Variants in KDM4C observed in about 807,000 individuals in gnomAD.
KDM4C encodes lysine demethylase 4C, also known as lysine-specific demethylase 4C.
Under a neutral mutation model 129.3 loss-of-function variants are expected in KDM4C, and 81 were observed. The ratio of observed to expected loss-of-function variants is 0.63; its 90% CI spans 0.52 to 0.75. The LOEUF (loss-of-function observed/expected upper bound fraction) is 0.75, where lower values mean the gene tolerates loss of function less well. Among genes scored for constraint, KDM4C ranks in the 30% least tolerant of loss-of-function variants. The pLI is 0.00. For synonymous variants in KDM4C, 573 were observed against 456.1 expected (o/e 1.26, Z -3.26); for missense variants, 1,457 against 1,304.0 (o/e 1.12, Z -1.81).
chr9:6,826,215 G>T (rs1424896149), intron 4 of KDM4C, among the ~76,000 whole-genome samples: 1 of 151,938 alleles, frequency 6.6e-6, no homozygotes, highest in East Asian at 1.9e-4. Context: ...AGGTGGATGG[G>T]TGGTTGGTGT....
chr9:6,918,121 A>G (rs986129732), intron 8 of KDM4C, among the ~76,000 whole-genome samples: 4 of 152,226 alleles, frequency 2.6e-5, no homozygotes, highest in African/African-American at 7.2e-5. Flanking sequence ...CTCATCACCC[A>G]GGCAGTGAAC....
At chr9:7,104,005 G>C (rs1473023046) in intron 18 of KDM4C, 135 bp downstream of exon 18, 3 of 785,460 alleles carry the variant, frequency 3.8e-6, no homozygotes, top group African/African-American at 3.5e-5. Flanking sequence ...TGAGTTCCTT[G>C]AGGGCAGGGA....
At chr9:6,967,098 A>G (rs1449290470) in intron 8 of KDM4C, among the ~76,000 whole-genome samples, 1 of 152,138 alleles carries the variant, frequency 6.6e-6, no homozygotes, top group East Asian at 1.9e-4. Context: ...TGAAGTGACT[A>G]AAGCATCTCC....
intron 15 of KDM4C, among the ~76,000 whole-genome samples, chr9:7,035,657 T>G (rs1827513705): frequency 6.6e-6 from 1 of 152,142 alleles, no homozygotes; most frequent in Non-Finnish European, 1.5e-5. Context: ...TAAGTTGATT[T>G]TTGTATAGGG....
chr9:6,862,048 A>G (rs1181612341), intron 5 of KDM4C, among the ~76,000 whole-genome samples: 4 of 152,178 alleles, frequency 2.6e-5, no homozygotes, highest in Non-Finnish European at 5.9e-5. Flanking sequence ...CTGGGATTAC[A>G]GGTGTGAGCC....
chr9:6,826,860 C>G (rs927265013), intron 4 of KDM4C, among the ~76,000 whole-genome samples: 10 of 148,530 alleles, frequency 6.7e-5, no homozygotes, highest in African/African-American at 2.3e-4. Flanking sequence ...GAGTGAAACT[C>G]CATCTCAAAA....
chr9:6,763,207 C>T (rs887874044), intron 1 of KDM4C, among the ~76,000 whole-genome samples: 7 of 152,144 alleles, frequency 4.6e-5, no homozygotes, highest in African/African-American at 1.7e-4. Context: ...TAACTCTCAG[C>T]TCTGTGTGTG....
chr9:6,782,131 A>G (rs1171622145), intron 1 of KDM4C, among the ~76,000 whole-genome samples: 5 of 152,124 alleles, frequency 3.3e-5, no homozygotes, highest in Non-Finnish European at 7.4e-5. Flanking sequence ...GCCTGGTTAT[A>G]AATTTTAGTG....
chr9:6,864,502 TTGG>T (rs1269879163), intron 5 of KDM4C, among the ~76,000 whole-genome samples: 2 of 152,202 alleles, frequency 1.3e-5, no homozygotes, highest in African/African-American at 4.8e-5. Context: ...TCATATCTGT[TTGG>T]TGATCTCTAA....
chr9:6,987,244 C>T (rs1031403948), intron 11 of KDM4C, among the ~76,000 whole-genome samples: 5 of 152,178 alleles, frequency 3.3e-5, no homozygotes, highest in African/African-American at 1.2e-4. Context: ...CCCTGAATCT[C>T]AGGACCAGGG....
chr9:6,873,941 CGAGAGA>C (rs61477112), intron 5 of KDM4C, among the ~76,000 whole-genome samples: 3,358 of 132,118 alleles, frequency 0.025, 111 homozygotes, highest in African/African-American at 0.091. Context: ...TGAGAGAGAG[CGAGAGA>C]GAGAGAGAGA....
intron 5 of KDM4C, among the ~76,000 whole-genome samples, chr9:6,867,409 T>TGAACCACAAC (rs1563726900): frequency 3.9e-5 from 6 of 152,220 alleles, no homozygotes; most frequent in African/African-American, 1.4e-4. Flanking sequence ...GAAACCACAA[T>TGAACCACAAC]TGATATTTGA....
At chr9:7,049,679 G>A (rs1416095097) in intron 17 of KDM4C, among the ~76,000 whole-genome samples, 5 of 151,992 alleles carry the variant, frequency 3.3e-5, no homozygotes, top group Non-Finnish European at 5.9e-5. Context: ...CTCTTGAATA[G>A]GTACAAGTCA....
At chr9:6,852,803 T>TCA (rs1564162199) in intron 5 of KDM4C, among the ~76,000 whole-genome samples, 1 of 152,176 alleles carries the variant, frequency 6.6e-6, no homozygotes, top group Non-Finnish European at 1.5e-5. Context: ...GATTCCCTCC[T>TCA]TACTTACGGG....
intron 4 of KDM4C, among the ~76,000 whole-genome samples, chr9:6,822,858 C>T (rs1185889632): frequency 6.6e-6 from 1 of 152,198 alleles, no homozygotes; most frequent in African/African-American, 2.4e-5. Flanking sequence ...CCATGTACAC[C>T]TGCATCGACC....
intron 17 of KDM4C, among the ~76,000 whole-genome samples, chr9:7,063,182 T>C (rs916121212): frequency 3.3e-5 from 5 of 152,204 alleles, no homozygotes; most frequent in Admixed American, 2.6e-4. Context: ...AGAGATAGTT[T>C]TGGGGACCAA....
intron 7 of KDM4C, among the ~76,000 whole-genome samples, chr9:6,889,575 G>T (rs1384926556): frequency 6.6e-6 from 1 of 152,150 alleles, no homozygotes; most frequent in Non-Finnish European, 1.5e-5. Flanking sequence ...TGTCCCATCT[G>T]CAGACACCTC....
At chr9:7,144,864 C>T (rs536348641) in intron 19 of KDM4C, among the ~76,000 whole-genome samples, 1 of 152,362 alleles carries the variant, frequency 6.6e-6, no homozygotes, top group East Asian at 1.9e-4. Flanking sequence ...AGGTCTCAGC[C>T]CAGGAGTGAG....
chr9:7,023,655 ATTGTTT>A (rs1721422721), intron 15 of KDM4C, among the ~76,000 whole-genome samples: 1 of 151,418 alleles, frequency 6.6e-6, no homozygotes. Context: ...GATCTTCATT[ATTGTTT>A]TTCGTCTAAT....
Sources: allele counts gnomAD v4.1 joint callset (sites outside exome capture counted in the v4.1 genomes callset), GRCh38; gene constraint gnomAD v4.1.1; transcripts MANE v1.5; gene names NCBI Gene and HGNC (gene_info 2026-07-23, HGNC 2026-07-21).